The following VPS13A variants were observed in gnomAD, a reference collection of about 807,000 sequenced individuals.
The protein encoded by VPS13A is vacuolar protein sorting 13 homolog A.
A neutral mutation model predicts 390.9 loss-of-function variants in VPS13A; 264 were observed. That is an observed-to-expected ratio of 0.68 (90% CI 0.61 to 0.75). The LOEUF is 0.75. VPS13A is among the 30% of genes least tolerant of loss of function. VPS13A has a pLI of 0.00. For synonymous variants in VPS13A, 1,231 were observed against 1,227.1 expected (o/e 1.00, Z -0.07); for missense variants, 3,409 against 3,733.9 (o/e 0.91, Z 2.27).
intron 19 of VPS13A, among the ~76,000 whole-genome samples, chr9:77,240,501 G>T (rs1824424109): frequency 1.5e-5 from 2 of 136,870 alleles, no homozygotes; most frequent in African/African-American, 2.8e-5. Flanking sequence ...TTTTTTGACA[G>T]TGTCTTGTTC....
At chr9:77,341,077 T>G (rs1830780016) in intron 50 of VPS13A, among the ~76,000 whole-genome samples, 1 of 152,206 alleles carries the variant, frequency 6.6e-6, no homozygotes, top group African/African-American at 2.4e-5. Context: ...TAGAGAAGTT[T>G]TTGCTGTTTC....
chr9:77,417,064 A>G lies in VPS13A; in HGVS notation c.*1058A>G, dbSNP rs982122664. 1 of 152,222 alleles carries G rather than the reference A, an allele frequency of 6.6e-6. No individual in the cohort carries two copies. The highest frequency in any genetic ancestry group is 1.5e-5 in the Non-Finnish European group (1 of 68,024). 9.4% of individuals were successfully genotyped at this position (152,222 alleles called of 1,614,324 possible). A position where few individuals can be genotyped will look rare whatever the true frequency, so the allele number is the denominator to read the frequency against. ...AATCATCAGCTATACATTAGTAAAA[A>G]TAAGGACATGAGGTTTTCTTTCTTG... is the stretch of plus-strand genomic sequence containing the variant. On this transcript the variant is annotated 3_prime_UTR_variant, in exon 72 of 72. Transcript: ENST00000360280.
At chr9:77,382,428 G>A (rs911585043) in intron 68 of VPS13A, 31 of 1,404,052 alleles carry the variant, frequency 2.2e-5, no homozygotes, top group African/African-American at 3.0e-5. Context: ...CTTTTAATAG[G>A]AATTTTAATG....
intron 33 of VPS13A, among the ~76,000 whole-genome samples, chr9:77,296,951 T>G (rs1196593743): frequency 1.3e-5 from 2 of 152,212 alleles, no homozygotes; most frequent in Non-Finnish European, 2.9e-5. Flanking sequence ...ATTTTCATAA[T>G]GCTCCTTATT....
chr9:77,177,617 A>G lies in VPS13A; in HGVS notation c.-88A>G. On this transcript the variant is annotated 5_prime_UTR_variant, in exon 1 of 72. Transcript: ENST00000360280. ...GCTGAAGCCGCCCCGGAGCCGGTGA[A>G]CCGAATTACCTCGAGGGAGGGGCGT... 2 of 1,271,902 alleles carry G rather than the reference A, an allele frequency of 1.6e-6. No homozygotes were observed. Among genetic ancestry groups the G allele is most frequent in the South Asian group, 1.2e-5 (1 of 82,498 alleles). The allele number at this position is 1,271,902 out of a possible 1,614,324, so 78.8% of individuals were successfully genotyped here. A position where few individuals can be genotyped will look rare whatever the true frequency, so the allele number is the denominator to read the frequency against.
intron 31 of VPS13A, among the ~76,000 whole-genome samples, chr9:77,291,955 G>C (rs1827696508): frequency 6.6e-6 from 1 of 152,290 alleles, no homozygotes. Flanking sequence ...CCCCAGGAGA[G>C]TTCTTGTTCT....
chr9:77,235,190 C>A (rs72742596), intron 17 of VPS13A, among the ~76,000 whole-genome samples: 11,884 of 152,198 alleles, frequency 0.078, 576 homozygotes, highest in East Asian at 0.12. Flanking sequence ...CCTGTCATTG[C>A]AGTCTTTAGG....
rs1826612482 is a variant in VPS13A, at chr9:77,275,615, A to C, written c.2630A>C (p.Asn877Thr). ...RKLQKQDCSV[N>T]MTTFKIRFEV... is the part of the protein sequence containing the mutation. Reference sequence around the variant, plus strand: ...TTACAAAAGCAGGATTGTTCAGTAAATATGACTACATTTAAAATAAGATTT... The same window carrying C: ...TTACAAAAGCAGGATTGTTCAGTAACTATGACTACATTTAAAATAAGATTT... Residue 877 changes from asparagine to threonine, a missense_variant, in exon 25 of 72, where the codon AAT (asparagine) becomes ACT (threonine). This residue lies in a region of VPS13A where 2,717 missense variants were observed against 2,917.4 expected (regional missense o/e 0.93). Coordinates refer to ENST00000360280, the MANE Select transcript of VPS13A (RefSeq NM_033305.3). 2.5e-6 allele frequency: 4 copies of C among 1,613,724 alleles called. No individual in the cohort carries two copies. The East Asian group carries it at 8.9e-5, about 36-fold the overall frequency.
At chr9:77,303,561 G>A (rs1828508358) in intron 34 of VPS13A, among the ~76,000 whole-genome samples, 1 of 152,076 alleles carries the variant, frequency 6.6e-6, no homozygotes, top group South Asian at 2.1e-4. Context: ...AGCACACCAA[G>A]GACCTGCACT....
rs1835182015 is a variant in VPS13A, at chr9:77,416,779, T to C, written c.*773T>C. On this transcript the variant is annotated 3_prime_UTR_variant, in exon 72 of 72. Coordinates refer to ENST00000360280, the MANE Select transcript of VPS13A (RefSeq NM_033305.3). ...TACCCAAGTCATGTTTTTAATAGAC[T>C]GCTAATATCAAAGGAGAATTTTTAA... 2 of 150,038 alleles carry C rather than the reference T, an allele frequency of 1.3e-5. No individual in the cohort carries two copies. Among genetic ancestry groups the C allele is most frequent in the Admixed American group, 1.3e-4 (2 of 15,070 alleles). The allele number at this position is 150,038 out of a possible 1,614,324, so 9.3% of individuals were successfully genotyped here. A position where few individuals can be genotyped will look rare whatever the true frequency, so the allele number is the denominator to read the frequency against.
At chr9:77,384,462 C>A in intron 68 of VPS13A, 1 of 1,377,670 alleles carries the variant, frequency 7.3e-7, no homozygotes, top group Non-Finnish European at 1.0e-6. Flanking sequence ...TGAGTCATAG[C>A]TGAAAAAATC....
chr9:77,351,039 A>G (rs1831436712), intron 52 of VPS13A: 1 of 348,124 alleles, frequency 2.9e-6, no homozygotes, highest in Non-Finnish European at 5.4e-6. Flanking sequence ...ATAATTTTCC[A>G]TAATTAATTT....
At chr9:77,267,635 G>T (rs890618078) in intron 23 of VPS13A, among the ~76,000 whole-genome samples, 1 of 152,216 alleles carries the variant, frequency 6.6e-6, no homozygotes, top group African/African-American at 2.4e-5. Flanking sequence ...CAGTCAGGAG[G>T]CATGGGGGTC....
chr9:77,268,535 A>G (rs1826163607), intron 23 of VPS13A, among the ~76,000 whole-genome samples: 1 of 152,090 alleles, frequency 6.6e-6, no homozygotes, highest in African/African-American at 2.4e-5. Context: ...GAAATGCGGA[A>G]ATCACTGGCC....
chr9:77,207,252 T>TATATATATATATATATATAA lies in VPS13A; in HGVS notation c.385+1174_385+1175insTATATATATATATATATAAA. 1.6e-4 allele frequency among the ~76,000 whole-genome samples: 14 copies of TATATATATATATATATATAA among 87,244 alleles called. 1 individual carries two copies. Among genetic ancestry groups the TATATATATATATATATATAA allele is most frequent in the Admixed American group, 4.2e-4 (3 of 7,134 alleles). 57.2% of individuals were successfully genotyped at this position (87,244 alleles called of 152,430 possible). On this transcript the variant is annotated intron_variant, in intron 5 of 71. Transcript: ENST00000360280. ...ATATATATATATATATATATATATA[T>TATATATATATATATATATAA]AAAACGTGTTATATGTAACATAACA...
chr9:77,366,032 G>A (rs956906471), intron 60 of VPS13A, among the ~76,000 whole-genome samples: 1 of 152,002 alleles, frequency 6.6e-6, no homozygotes, highest in Non-Finnish European at 1.5e-5. Context: ...ATACAAAAGT[G>A]TTTTTTAACT....
In VPS13A at chr9:77,316,328, A is replaced by C. The variant is rs2131433061; in HGVS notation, c.4785A>C (p.Thr1595=). The C allele has an allele frequency of 6.2e-7, 1 of 1,613,304 alleles. No homozygotes were observed. The highest frequency in any genetic ancestry group is 2.2e-5 in the East Asian group (1 of 44,812). The change falls in exon 39 of 72, where the codon ACA becomes ACC. Residue 1595 remains threonine (T), a synonymous_variant. Coordinates refer to ENST00000360280, the MANE Select transcript of VPS13A (RefSeq NM_033305.3). ...ATAAAGGTAACCTTGAAAATAGTAC[A>C]ATGACTGCTGCCATTAAAGATCTCC... is the stretch of plus-strand genomic sequence containing the variant. The part of the protein sequence containing the change: ...ICYKGNLENS[T]MTAAIKDLQV...
At chr9:77,303,705 G>A (rs200877953) in intron 34 of VPS13A, among the ~76,000 whole-genome samples, 2 of 152,168 alleles carry the variant, frequency 1.3e-5, no homozygotes, top group Non-Finnish European at 2.9e-5. Context: ...AAGAATCTAT[G>A]TCATAATTAA....
At chr9:77,266,673 T>C (rs936418939) in intron 23 of VPS13A, among the ~76,000 whole-genome samples, 1 of 152,150 alleles carries the variant, frequency 6.6e-6, no homozygotes, top group African/African-American at 2.4e-5. Flanking sequence ...GTCTTAGTAG[T>C]GTTCTCTGTA....
Sources: allele counts gnomAD v4.1 joint callset (sites outside exome capture counted in the v4.1 genomes callset), GRCh38; gene constraint gnomAD v4.1.1; regional missense constraint gnomAD v4.1.1; transcripts MANE v1.5; gene names NCBI Gene and HGNC (gene_info 2026-07-23, HGNC 2026-07-21).